Variants in SCN3B observed in about 807,000 individuals in gnomAD.
The protein encoded by SCN3B is sodium channel regulatory subunit beta-3.
In SCN3B, 11 loss-of-function variants were observed where a neutral mutation model predicts 25.4. The ratio of observed to expected loss-of-function variants is 0.43; its 90% CI spans 0.27 to 0.72. The LOEUF is 0.72. SCN3B is among the 30% of genes least tolerant of loss of function. SCN3B has a pLI of 0.18. For missense variants in SCN3B, 218 were observed against 278.3 expected (o/e 0.78, Z 1.54); for synonymous variants, 109 against 110.7 (o/e 0.99, Z 0.09).
At chr11:123,638,420 G>A (rs2137236159) in intron 4 of SCN3B, 96 bp from the exon 5 acceptor site, 3 of 1,519,182 alleles carry the variant, frequency 2.0e-6, no homozygotes, top group East Asian at 2.3e-5. Flanking sequence ...AATAAAGACT[G>A]AGTAAAGAAA....
intron 2 of SCN3B, 25 bp downstream of exon 2, chr11:123,653,722 G>C (rs1440563899): frequency 1.1e-5 from 18 of 1,612,260 alleles, no homozygotes; most frequent in Non-Finnish European, 1.4e-5. Context: ...ACCTGCATCC[G>C]GCATGGCGAG....
chr11:123,634,900 T>A (rs924287542), intron 5 of SCN3B, among the ~76,000 whole-genome samples: 2 of 152,242 alleles, frequency 1.3e-5, no homozygotes, highest in African/African-American at 4.8e-5. Flanking sequence ...TGCTTTCATG[T>A]TTTGACAATT....
rs1407905865 is a variant in SCN3B at position 123,644,788 on chromosome 11, AGAGAGAGAGAGAATATATATAT to A, written c.219+777_219+798del. On this transcript the variant is annotated intron_variant, in intron 3 of 6. Coordinates refer to ENST00000299333, the MANE Select transcript of SCN3B (RefSeq NM_001040151.2). Reference sequence around the variant, plus strand: ...CGTTGAGAGAGAGAGAGAGAGAGAGAGAGAGAGAGAGAATATATATATATATATATATATATATATATATATA... The same window carrying A: ...CGTTGAGAGAGAGAGAGAGAGAGAGAATATATATATATATATATATATATA... Among the ~76,000 whole-genome samples, 320 of 104,860 alleles carry A rather than the reference AGAGAGAGAGAGAATATATATAT, an allele frequency of 3.1e-3. 4 individuals are homozygous for A. In the South Asian group the frequency reaches 0.034, roughly 11 times the overall value. 68.8% of individuals were successfully genotyped at this position (104,860 alleles called of 152,430 possible).
At chr11:123,648,371 A>G (rs1287782127) in intron 2 of SCN3B, among the ~76,000 whole-genome samples, 2 of 152,232 alleles carry the variant, frequency 1.3e-5, no homozygotes, top group Non-Finnish European at 2.9e-5. Flanking sequence ...TGAGAATTTT[A>G]TGGATTAATT....
At chr11:123,648,284 G>A (rs1354049548) in intron 2 of SCN3B, among the ~76,000 whole-genome samples, 1 of 152,190 alleles carries the variant, frequency 6.6e-6, no homozygotes, top group Non-Finnish European at 1.5e-5. Flanking sequence ...TGGGTTTGAT[G>A]TACTATGTAA....
intron 2 of SCN3B, among the ~76,000 whole-genome samples, chr11:123,647,824 T>C (rs540598616): frequency 9.5e-4 from 145 of 152,344 alleles, no homozygotes; most frequent in African/African-American, 3.3e-3. Context: ...AGAATTAACT[T>C]AAAGTTGTAA....
In SCN3B at chr11:123,651,099, ATTAT is replaced by A. The variant is rs1466294032; in HGVS notation, c.55+2644_55+2647del. On this transcript the variant is annotated intron_variant, in intron 2 of 6. Transcript: ENST00000299333. ...CAATTATTATTATTTTATTGTATTA[ATTAT>A]TTATTGTATTAATTATTTATTGTAT... 2.3e-4 allele frequency among the ~76,000 whole-genome samples: 34 copies of A among 150,464 alleles called. 1 individual carries two copies. The highest frequency in any genetic ancestry group is 2.6e-4 in the Admixed American group (4 of 15,116).
chr11:123,634,069 G>T, intron 6 of SCN3B, 52 bp downstream of exon 6: 1 of 1,434,142 alleles, frequency 7.0e-7, no homozygotes, highest in East Asian at 2.3e-5. Context: ...AAAGTCACTT[G>T]TACAACCTGC....
At position 123,631,905 on chromosome 11, in the gene SCN3B, A is replaced by C. The variant is rs1329586305; in HGVS notation, c.*1894T>G. ...TTCCTAGGGATGGAAGAATGAAAAA[A>C]ATGAGCTTTTAAGGTAAAGCCCTAA... On this transcript the variant is annotated 3_prime_UTR_variant, in exon 7 of 7. Transcript: ENST00000299333. 6.6e-6 allele frequency: 1 copy of C among 152,184 alleles called. No homozygotes were observed. The highest frequency in any genetic ancestry group is 1.5e-5 in the Non-Finnish European group (1 of 68,028). 9.4% of individuals were successfully genotyped at this position (152,184 alleles called of 1,614,324 possible). A position where few individuals can be genotyped will look rare whatever the true frequency, so the allele number is the denominator to read the frequency against.
chr11:123,634,341 A>G, intron 5 of SCN3B, 135 bp from the exon 6 acceptor site: 1 of 731,732 alleles, frequency 1.4e-6, no homozygotes, highest in Admixed American at 2.0e-5. Context: ...TTCTCAAGAG[A>G]AAAACAACCT....
At chr11:123,651,988 G>A (rs919597871) in intron 2 of SCN3B, among the ~76,000 whole-genome samples, 1 of 152,190 alleles carries the variant, frequency 6.6e-6, no homozygotes, top group African/African-American at 2.4e-5. Context: ...TATATAGTAA[G>A]CTAGTGGCAA....
chr11:123,649,285 G>A (rs1955890784), intron 2 of SCN3B, among the ~76,000 whole-genome samples: 1 of 152,218 alleles, frequency 6.6e-6, no homozygotes, highest in Non-Finnish European at 1.5e-5. Flanking sequence ...TGGAGGGAAA[G>A]CAGTCAGGAT....
chr11:123,650,743 T>A (rs901754907), intron 2 of SCN3B, among the ~76,000 whole-genome samples: 5 of 152,038 alleles, frequency 3.3e-5, no homozygotes, highest in Non-Finnish European at 7.4e-5. Flanking sequence ...AAGACTGAAA[T>A]CAGAAAACAA....
At chr11:123,653,162 G>A (rs73031653) in intron 2 of SCN3B, among the ~76,000 whole-genome samples, 26 of 134,300 alleles carry the variant, frequency 1.9e-4, no homozygotes, top group African/African-American at 5.5e-4. Flanking sequence ...AAAAAAAAAA[G>A]AAGAAGAAGA....
intron 5 of SCN3B, 110 bp downstream of exon 5, chr11:123,638,076 G>T: frequency 2.3e-6 from 3 of 1,280,066 alleles, no homozygotes; most frequent in East Asian, 2.4e-5. Context: ...CTTAAGCAGT[G>T]ATCATGAAGA....
chr11:123,646,460 C>A (rs1014894114), intron 2 of SCN3B, among the ~76,000 whole-genome samples: 1 of 152,162 alleles, frequency 6.6e-6, no homozygotes, highest in Non-Finnish European at 1.5e-5. Context: ...GTAATTGTAT[C>A]TGTGTTGTGT....
At position 123,631,806 on chromosome 11, in the gene SCN3B, G is replaced by A. The variant is rs996727937; in HGVS notation, c.*1993C>T. 6 of 152,056 alleles carry A rather than the reference G, an allele frequency of 3.9e-5. No individual in the cohort carries two copies. Among genetic ancestry groups the A allele is most frequent in the Non-Finnish European group, 7.4e-5 (5 of 68,004 alleles). 9.4% of individuals were successfully genotyped at this position (152,056 alleles called of 1,614,324 possible). A position where few individuals can be genotyped will look rare whatever the true frequency, so the allele number is the denominator to read the frequency against. ...ATTGCACCACTGCACTCTAGCCTGG[G>A]AGACAGAGTGAGAATCTGTCTCAAA... On this transcript the variant is annotated 3_prime_UTR_variant, in exon 7 of 7. Coordinates refer to ENST00000299333, the MANE Select transcript of SCN3B (RefSeq NM_001040151.2).
intron 2 of SCN3B, among the ~76,000 whole-genome samples, chr11:123,649,850 C>T (rs1955903429): frequency 6.6e-6 from 1 of 152,028 alleles, no homozygotes; most frequent in Non-Finnish European, 1.5e-5. Flanking sequence ...ATTACAGGCA[C>T]CTGCCATCAC....
rs117419983 is a variant in SCN3B, at chr11:123,642,412, A to T, written c.445+34T>A. 44 of 1,600,564 alleles carry T rather than the reference A, an allele frequency of 2.7e-5. No homozygotes were observed. The highest frequency in any genetic ancestry group is 3.8e-5 in the Non-Finnish European group (44 of 1,167,700). On this transcript the variant is annotated intron_variant, in intron 4 of 6. Transcript: ENST00000299333. The surrounding 1 kb of genome is among the most constrained non-coding windows in gnomAD (Gnocchi z 4.3). ...CTACCCTTCCCTGTCCACAGAGAGC[A>T]GGACGCCCTAGAGACCCTGTGCCTC... is the stretch of plus-strand genomic sequence containing the variant.
Sources: gnomAD v4.1 joint callset for allele counts (sites outside exome capture counted in the v4.1 genomes callset) on GRCh38, gnomAD v4.1.1 for gene constraint, Gnocchi (gnomAD v3.1) non-coding constraint, MANE v1.5 for transcripts, NCBI Gene and HGNC (gene_info 2026-07-23, HGNC 2026-07-21) for gene names.